The following PPFIA1 variants were observed in gnomAD, a reference collection of about 807,000 sequenced individuals.
PPFIA1 encodes the protein PPFI scaffold protein A1.
Under a neutral mutation model 149.9 loss-of-function variants are expected in PPFIA1, and 25 were observed. The ratio of observed to expected loss-of-function variants is 0.17; its 90% confidence interval spans 0.12 to 0.23. The LOEUF is 0.23. PPFIA1 is among the 10% of genes least tolerant of loss of function. PPFIA1 has a pLI of 1.00. For missense variants in PPFIA1, 1,362 were observed against 1,506.5 expected (o/e 0.90, Z 1.59); for synonymous variants, 549 against 552.8 (o/e 0.99, Z 0.10).
At chr11:70,314,088 G>A (rs770360949) in intron 2 of PPFIA1, among the ~76,000 whole-genome samples, 6 of 152,216 alleles carry the variant, frequency 3.9e-5, no homozygotes, top group Non-Finnish European at 7.3e-5. Flanking sequence ...GACACCGGCC[G>A]GATCAGGCAG....
chr11:70,329,416 T>C (rs2054523354), intron 7 of PPFIA1, among the ~76,000 whole-genome samples: 1 of 152,196 alleles, frequency 6.6e-6, no homozygotes, highest in Admixed American at 6.5e-5. Flanking sequence ...AAAATTGACA[T>C]CTTCATCAAT....
chr11:70,354,262 T>C, intron 16 of PPFIA1, 39 bp from the exon 17 acceptor site: 1 of 1,572,658 alleles, frequency 6.4e-7, no homozygotes, highest in Admixed American at 1.9e-5. Flanking sequence ...TTTTTCACAG[T>C]CTGCTGTTAA....
intron 16 of PPFIA1, among the ~76,000 whole-genome samples, chr11:70,352,941 G>A (rs1347914112): frequency 6.6e-6 from 1 of 152,160 alleles, no homozygotes; most frequent in African/African-American, 2.4e-5. Context: ...TCTGTTTTTG[G>A]TTTTGTTTTT....
At chr11:70,327,079 C>T (rs1039300321) in intron 7 of PPFIA1, 15 of 426,266 alleles carry the variant, frequency 3.5e-5, no homozygotes, top group East Asian at 9.4e-5. Flanking sequence ...ATGAAGTGGA[C>T]GCCACACTGG....
chr11:70,326,677 A>G lies in PPFIA1; in HGVS notation c.789A>G (p.Ser263=). 2 of 1,614,202 alleles carry G rather than the reference A, an allele frequency of 1.2e-6. No homozygotes were observed. Among genetic ancestry groups the G allele is most frequent in the South Asian group, 1.1e-5 (1 of 91,088 alleles). The change falls in exon 7 of 28, where the codon TCA becomes TCG. Residue 263 remains serine (S), a synonymous_variant. Coordinates refer to ENST00000253925, the MANE Select transcript of PPFIA1 (RefSeq NM_003626.5). ...TCCAAGAAATCATAAGTAAGCAGTC[A>G]AGGGAACAGAGCCAAATGAAAGAAC... ...IELQEIISKQ[S]REQSQMKERL... is the part of the protein sequence containing the mutation.
Position 70,354,374 on chromosome 11 carries a change from C to G in PPFIA1, c.2237C>G (p.Pro746Arg). 1.9e-6 allele frequency: 3 copies of G among 1,614,070 alleles called. No individual in the cohort carries two copies. The highest frequency in any genetic ancestry group is 1.3e-5 in the African/African-American group (1 of 75,002). ...TGTGAAACCTCCCCGCCTTCCTCCC[C>G]GAGAGCCCTTCGGTTAGACCGGCTG... ...IKCETSPPSS[P>R]RALRLDRLHK... Residue 746 changes from proline (P) to arginine (R), a missense_variant, in exon 17 of 28, where the codon CCG becomes CGG. Around this residue, in one of 7 missense-constraint regions of PPFIA1, gnomAD observed 733 missense variants for 744.1 expected, o/e 0.99. Transcript: ENST00000253925.
intron 2 of PPFIA1, among the ~76,000 whole-genome samples, chr11:70,282,082 A>C (rs1201247740): frequency 6.6e-6 from 1 of 151,684 alleles, no homozygotes; most frequent in Non-Finnish European, 1.5e-5. Flanking sequence ...CCAGTTTCTA[A>C]TCAGAATCCC....
intron 2 of PPFIA1, among the ~76,000 whole-genome samples, chr11:70,320,948 A>G (rs1274796261): frequency 6.6e-6 from 1 of 152,192 alleles, no homozygotes; most frequent in Non-Finnish European, 1.5e-5. Flanking sequence ...TGGAAAACCT[A>G]GTTCTGGACG....
At chr11:70,321,769 TG>T (rs1342253695) in intron 2 of PPFIA1, among the ~76,000 whole-genome samples, 2 of 152,242 alleles carry the variant, frequency 1.3e-5, no homozygotes, top group African/African-American at 4.8e-5. Context: ...AGGGACAAGA[TG>T]GAGGGGCACA....
At position 70,294,941 on chromosome 11, in the gene PPFIA1, C is replaced by T. The variant is rs11235776; in HGVS notation, c.264+22505C>T. On this transcript the variant is annotated intron_variant, in intron 2 of 27. Coordinates refer to ENST00000253925, the MANE Select transcript of PPFIA1 (RefSeq NM_003626.5). ...TAGTACAGAACAAAATGACAAGTCT[C>T]CCATGTCTACTTCTTTCCACACAGA... 5.9e-5 allele frequency among the ~76,000 whole-genome samples: 9 copies of T among 152,082 alleles called. No homozygotes were observed. In the East Asian group the frequency reaches 1.6e-3, roughly 26 times the overall value.
intron 9 of PPFIA1, 142 bp downstream of exon 9, chr11:70,332,236 T>G: frequency 1.9e-6 from 2 of 1,057,428 alleles, no homozygotes; most frequent in Non-Finnish European, 2.6e-6. Flanking sequence ...CTCTTTCATC[T>G]GAGATTGGAA....
intron 2 of PPFIA1, among the ~76,000 whole-genome samples, chr11:70,307,754 TA>T (rs1320371990): frequency 4.2e-5 from 6 of 143,212 alleles, no homozygotes; most frequent in Admixed American, 3.4e-4. Flanking sequence ...ACCTTACCTC[TA>T]CAAAAAAAAT....
At chr11:70,338,515 A>C (rs769613985) in intron 13 of PPFIA1, 62 bp downstream of exon 13, 3 of 1,386,546 alleles carry the variant, frequency 2.2e-6, no homozygotes, top group Non-Finnish European at 2.0e-6. Flanking sequence ...GTTCTTGGCT[A>C]TGTGGGCAGC....
At chr11:70,288,582 A>C (rs1001860810) in intron 2 of PPFIA1, among the ~76,000 whole-genome samples, 2 of 152,122 alleles carry the variant, frequency 1.3e-5, no homozygotes, top group African/African-American at 4.8e-5. Context: ...AGTTGCAAAG[A>C]GGTGATTTTT....
chr11:70,284,922 G>A (rs1416844155), intron 2 of PPFIA1, among the ~76,000 whole-genome samples: 4 of 152,124 alleles, frequency 2.6e-5, no homozygotes, highest in Non-Finnish European at 5.9e-5. Flanking sequence ...AGTACCTTAG[G>A]GCTTCAGTAC....
rs564041041 is a variant in PPFIA1, at chr11:70,276,503, T to G, written c.264+4067T>G. ...ATAATTTCAGTTTCCTTCAGTACCC[T>G]TGTTGGGATTTGGTATCAAGGTTAT... On this transcript the variant is annotated intron_variant, in intron 2 of 27. Coordinates refer to ENST00000253925, the MANE Select transcript of PPFIA1 (RefSeq NM_003626.5). Among the ~76,000 whole-genome samples the G allele has an allele frequency of 7.2e-5, 11 of 152,270 alleles. 1 individual carries two copies. The highest frequency in any genetic ancestry group is 2.0e-4 in the Admixed American group (3 of 15,284).
intron 2 of PPFIA1, among the ~76,000 whole-genome samples, chr11:70,302,848 A>G (rs911458140): frequency 6.6e-5 from 10 of 151,144 alleles, no homozygotes; most frequent in African/African-American, 1.7e-4. Flanking sequence ...GGCTCAAGCA[A>G]TCCTCCTGCC....
intron 3 of PPFIA1, 105 bp from the exon 4 acceptor site, chr11:70,324,742 G>A (rs1190244570): frequency 9.8e-6 from 11 of 1,122,112 alleles, no homozygotes; most frequent in South Asian, 1.6e-5. Context: ...GGAATTGAAG[G>A]GACTTCATTT....
chr11:70,311,090 A>G (rs921983244), intron 2 of PPFIA1, among the ~76,000 whole-genome samples: 1 of 152,150 alleles, frequency 6.6e-6, no homozygotes, highest in Non-Finnish European at 1.5e-5. Context: ...TGGGCGGATC[A>G]CCTGAGGTCG....
Sources: allele counts gnomAD v4.1 joint callset (sites outside exome capture counted in the v4.1 genomes callset), GRCh38; gene constraint gnomAD v4.1.1; regional missense constraint gnomAD v4.1.1; transcripts MANE v1.5; gene names NCBI Gene and HGNC (gene_info 2026-07-23, HGNC 2026-07-21).